The following UBXN4 variants were observed in gnomAD, a reference collection of about 807,000 sequenced individuals.
The protein encoded by UBXN4 is UBX domain protein 4, also known as UBX domain-containing protein 4.
A neutral mutation model predicts 66.2 loss-of-function variants in UBXN4; 35 were observed. That is an observed-to-expected ratio of 0.53 (90% CI 0.40 to 0.70). The LOEUF is 0.70. UBXN4 is among the 30% of genes least tolerant of loss of function. The probability of loss-of-function intolerance (pLI) is 0.00; values close to 1 mark genes in which losing one functional copy is unlikely to be tolerated. For missense variants in UBXN4, 533 were observed against 599.8 expected (o/e 0.89, Z 1.16); for synonymous variants, 203 against 204.5 (o/e 0.99, Z 0.06).
chr2:135,769,637 A>T, intron 6 of UBXN4, 132 bp from the exon 7 acceptor site: 3 of 634,310 alleles, frequency 4.7e-6, no homozygotes, highest in Non-Finnish European at 7.2e-6. Context: ...CCAGGCAGAT[A>T]AATAGTTGCT....
At chr2:135,772,283 A>T in intron 8 of UBXN4, 137 bp from the exon 9 acceptor site, 1 of 975,328 alleles carries the variant, frequency 1.0e-6, no homozygotes, top group Non-Finnish European at 1.5e-6. Context: ...TGATTGTGCC[A>T]CTGCACTCCA....
chr2:135,755,487 T>G (rs1166823558), intron 4 of UBXN4, 30 bp from the exon 5 acceptor site: 1 of 1,500,352 alleles, frequency 6.7e-7, no homozygotes, highest in East Asian at 2.5e-5. Context: ...TCTTATCTAT[T>G]AATTAAAATC....
chr2:135,763,661 CA>C (rs1272249045), intron 6 of UBXN4, among the ~76,000 whole-genome samples: 1 of 151,318 alleles, frequency 6.6e-6, no homozygotes, highest in African/African-American at 2.4e-5. Flanking sequence ...CCCATCTCTA[CA>C]AAAAAATACA....
At chr2:135,754,907 C>T (rs917475155) in intron 4 of UBXN4, among the ~76,000 whole-genome samples, 21 of 152,284 alleles carry the variant, frequency 1.4e-4, no homozygotes, top group African/African-American at 5.1e-4. Flanking sequence ...GCCTCAGCCT[C>T]CCCAGTGGTG....
intron 6 of UBXN4, among the ~76,000 whole-genome samples, chr2:135,764,959 A>G (rs952992790): frequency 6.6e-6 from 1 of 151,800 alleles, no homozygotes; most frequent in Non-Finnish European, 1.5e-5. Context: ...GATTACAGGT[A>G]TGCGCCACCA....
rs536760518 is a variant in UBXN4 at position 135,768,574 on chromosome 2, T to A, written c.603-1195T>A. ...GCTCAGCTGATTTTATATTATTATT[T>A]TTTTTTCCTGAGGCGGAGTCTCACT... On this transcript the variant is annotated intron_variant, in intron 6 of 12. Transcript: ENST00000272638. Among the ~76,000 whole-genome samples, 45 of 150,102 alleles carry A rather than the reference T, an allele frequency of 3.0e-4. No homozygotes were observed. In the South Asian group the frequency reaches 9.3e-3, roughly 31 times the overall value.
At chr2:135,761,680 C>T (rs1338878687) in intron 5 of UBXN4, 138 bp from the exon 6 acceptor site, 2 of 660,356 alleles carry the variant, frequency 3.0e-6, no homozygotes, top group East Asian at 3.1e-5. Flanking sequence ...GCATATTTAG[C>T]TCCTTCTCCA....
At chr2:135,758,034 G>T (rs1030860354) in intron 5 of UBXN4, among the ~76,000 whole-genome samples, 6 of 151,384 alleles carry the variant, frequency 4.0e-5, no homozygotes, top group African/African-American at 1.5e-4. Flanking sequence ...TCAGCCACCT[G>T]AGTAGCTAGG....
At chr2:135,773,164 C>T (rs998945456) in intron 9 of UBXN4, among the ~76,000 whole-genome samples, 1 of 152,116 alleles carries the variant, frequency 6.6e-6, no homozygotes. Flanking sequence ...TCAGAATCCC[C>T]TATCCGATAG....
chr2:135,778,825 TGAG>T, intron 10 of UBXN4, 120 bp from the exon 11 acceptor site: 1 of 1,080,506 alleles, frequency 9.3e-7, no homozygotes, highest in Non-Finnish European at 1.3e-6. Context: ...TACCTTTTTT[TGAG>T]TTTACATGTA....
At position 135,780,030 on chromosome 2, in the gene UBXN4, C is replaced by G. The variant is rs537571104; in HGVS notation, c.1186-153C>G. The G allele has an allele frequency of 1.3e-5, 8 of 619,798 alleles. No individual in the cohort carries two copies. The South Asian group carries it at 1.7e-4, about 13-fold the overall frequency. 38.4% of individuals were successfully genotyped at this position (619,798 alleles called of 1,614,324 possible). ...GGGAGTCTTCAGAAGTTTATATATA[C>G]GTGAAAAACAGCAAAAGATATCATT... is the stretch of plus-strand genomic sequence containing the variant. On this transcript the variant is annotated intron_variant, in intron 11 of 12. Transcript: ENST00000272638.
chr2:135,746,530 AAAGT>A (rs1390484469), intron 1 of UBXN4, among the ~76,000 whole-genome samples: 1 of 152,200 alleles, frequency 6.6e-6, no homozygotes, highest in Non-Finnish European at 1.5e-5. Context: ...GTGTAATTTT[AAAGT>A]AAGTGAGTAG....
chr2:135,742,325 G>A (rs1349217510), intron 1 of UBXN4, among the ~76,000 whole-genome samples: 1 of 152,168 alleles, frequency 6.6e-6, no homozygotes, highest in Non-Finnish European at 1.5e-5. Context: ...GATACAGTGG[G>A]CCTGGCCCCA....
At chr2:135,773,866 G>A (rs1386147004) in intron 9 of UBXN4, among the ~76,000 whole-genome samples, 1 of 152,146 alleles carries the variant, frequency 6.6e-6, no homozygotes, top group Non-Finnish European at 1.5e-5. Flanking sequence ...ACAAAACATT[G>A]TTGAAAGATT....
At chr2:135,762,420 T>A (rs2077320919) in intron 6 of UBXN4, among the ~76,000 whole-genome samples, 1 of 152,208 alleles carries the variant, frequency 6.6e-6, no homozygotes, top group Admixed American at 6.5e-5. Flanking sequence ...GATTCCTACA[T>A]GAGTTAATAA....
chr2:135,782,048 C>T (rs776831199), intron 12 of UBXN4, among the ~76,000 whole-genome samples: 3 of 152,170 alleles, frequency 2.0e-5, no homozygotes, highest in Non-Finnish European at 2.9e-5. Context: ...GCACTCTAGC[C>T]TGGGCAACAG....
chr2:135,755,691 G>A lies in UBXN4; in HGVS notation c.508G>A (p.Gly170Arg). Residue 170 changes from glycine (G) to arginine (R), a missense_variant and splice_region_variant, in exon 5 of 13, where the codon GGA (glycine) becomes AGA (arginine). By Grantham distance (125) the Gly-to-Arg change is moderately radical. This residue lies in a region of UBXN4 where 529 missense variants were observed against 580.1 expected (regional missense o/e 0.91). Transcript: ENST00000272638. ...TGATACAAAGTCAGATACTGCAACA[G>A]GTAACTTTTAATGTACCTTTTTGAG... ...TSDTKSDTAT[G>R]GESAGHATSS... The A allele has an allele frequency of 6.6e-7, 1 of 1,507,660 alleles. No individual in the cohort carries two copies. The highest frequency in any genetic ancestry group is 8.9e-7 in the Non-Finnish European group (1 of 1,124,646). 93.4% of individuals were successfully genotyped at this position (1,507,660 alleles called of 1,614,324 possible). A position where few individuals can be genotyped will look rare whatever the true frequency, so the allele number is the denominator to read the frequency against.
intron 5 of UBXN4, among the ~76,000 whole-genome samples, chr2:135,759,532 A>G (rs943012389): frequency 2.6e-5 from 4 of 152,098 alleles, no homozygotes; most frequent in Non-Finnish European, 4.4e-5. Flanking sequence ...ATGTTCCTCT[A>G]TCCCCTTTAT....
chr2:135,753,700 A>G (rs187054739), intron 3 of UBXN4, 133 bp downstream of exon 3: 2 of 776,890 alleles, frequency 2.6e-6, no homozygotes, highest in Non-Finnish European at 1.9e-6. Context: ...CTTTATTACT[A>G]AGTGTCCTCA....
Sources: allele counts gnomAD v4.1 joint callset (sites outside exome capture counted in the v4.1 genomes callset), GRCh38; gene constraint gnomAD v4.1.1; regional missense constraint gnomAD v4.1.1; transcripts MANE v1.5; gene names NCBI Gene and HGNC (gene_info 2026-07-23, HGNC 2026-07-21).